The following DMXL1 variants were observed in gnomAD, a reference collection of about 807,000 sequenced individuals.
DMXL1 encodes Dmx like 1.
DMXL1 carries 99 observed loss-of-function variants against 319.2 expected under a neutral mutation model. That is an observed-to-expected ratio of 0.31 (90% CI 0.26 to 0.37). The LOEUF (loss-of-function observed/expected upper bound fraction) is 0.37. DMXL1 is among the 10% of genes least tolerant of loss of function. The pLI, the probability that DMXL1 is intolerant of heterozygous loss-of-function variation, is 1.00. For synonymous variants in DMXL1, 1,385 were observed against 1,235.2 expected (o/e 1.12, Z -2.54); for missense variants, 3,745 against 3,595.6 (o/e 1.04, Z -1.06).
chr5:119,143,297 T>G (rs567133394), intron 13 of DMXL1, among the ~76,000 whole-genome samples: 49 of 151,820 alleles, frequency 3.2e-4, no homozygotes, highest in African/African-American at 1.0e-3. Context: ...TGGTGTATAA[T>G]GGAAGGCAAA....
intron 1 of DMXL1, among the ~76,000 whole-genome samples, chr5:119,078,646 C>T (rs747812107): frequency 6.6e-6 from 1 of 152,002 alleles, no homozygotes; most frequent in Non-Finnish European, 1.5e-5. Context: ...GAGATGGGGT[C>T]CCACTATGTT....
intron 13 of DMXL1, among the ~76,000 whole-genome samples, chr5:119,142,916 C>G (rs1417962537): frequency 2.6e-5 from 4 of 152,022 alleles, no homozygotes; most frequent in African/African-American, 4.8e-5. Context: ...ATTCATAAAG[C>G]AACTTCTTTA....
chr5:119,130,766 A>T (rs1764692520), intron 10 of DMXL1, among the ~76,000 whole-genome samples: 2 of 152,286 alleles, frequency 1.3e-5, no homozygotes, highest in East Asian at 3.9e-4. Flanking sequence ...CATTTAAATT[A>T]ATTTAAATTG....
At chr5:119,216,870 G>C in intron 34 of DMXL1, 31 bp from the exon 35 acceptor site, 1 of 1,199,546 alleles carries the variant, frequency 8.3e-7, no homozygotes, top group East Asian at 2.4e-5. Flanking sequence ...TAAAATCAGT[G>C]CATTTTTGTG....
At position 119,164,365 on chromosome 5, in the gene DMXL1, A is replaced by G. The variant is rs978382533; in HGVS notation, c.4703-142A>G. The G allele has an allele frequency of 5.3e-6, 4 of 747,918 alleles. No individual in the cohort carries two copies. In the African/African-American group the frequency reaches 7.1e-5, roughly 13 times the overall value. The allele number at this position is 747,918 out of a possible 1,614,324, so 46.3% of individuals were successfully genotyped here. On this transcript the variant is annotated intron_variant, in intron 19 of 43. Coordinates refer to ENST00000539542, the MANE Select transcript of DMXL1 (RefSeq NM_001290321.3). ...CAGTTATTTGAAGAAGGAAAAACTT[A>G]AAAAAGCCCATATTTCCAATCTTAA...
chr5:119,231,614 A>T (rs1246183723), intron 38 of DMXL1, among the ~76,000 whole-genome samples: 1 of 152,216 alleles, frequency 6.6e-6, no homozygotes, highest in South Asian at 2.1e-4. Flanking sequence ...AAACATAGGT[A>T]CATTAAAAAT....
chr5:119,247,266 C>G lies in DMXL1; in HGVS notation c.*47C>G. ...AATTTATTACCTATATGGAAGTGGC[C>G]AACAGATATAATATACAGTGATCAT... On this transcript the variant is annotated 3_prime_UTR_variant, in exon 44 of 44. Transcript: ENST00000539542. 1 of 1,325,726 alleles carries G rather than the reference C, an allele frequency of 7.5e-7. No homozygotes were observed. The highest frequency in any genetic ancestry group is 1.1e-6 in the Non-Finnish European group (1 of 937,032). 82.1% of individuals were successfully genotyped at this position (1,325,726 alleles called of 1,614,324 possible).
intron 34 of DMXL1, among the ~76,000 whole-genome samples, chr5:119,213,375 CA>C (rs756431427): frequency 6.6e-6 from 1 of 152,156 alleles, no homozygotes; most frequent in Non-Finnish European, 1.5e-5. Context: ...TTCACTTGTG[CA>C]CAGTTCTTAT....
intron 34 of DMXL1, among the ~76,000 whole-genome samples, chr5:119,208,704 T>C (rs1169774915): frequency 6.6e-6 from 1 of 152,234 alleles, no homozygotes; most frequent in African/African-American, 2.4e-5. Context: ...AAAAAATCTT[T>C]GTAAGGTATG....
intron 27 of DMXL1, 95 bp from the exon 28 acceptor site, chr5:119,177,901 C>A (rs1776107298): frequency 2.9e-5 from 33 of 1,122,540 alleles, no homozygotes; most frequent in Non-Finnish European, 3.9e-5. Context: ...ACTCCTGATG[C>A]AATACATTTT....
chr5:119,196,341 T>A, intron 30 of DMXL1, 30 bp from the exon 31 acceptor site: 3 of 1,563,518 alleles, frequency 1.9e-6, no homozygotes, highest in Non-Finnish European at 2.6e-6. Flanking sequence ...ATAGAAATAG[T>A]TAACAGATCC....
At chr5:119,237,612 A>C (rs920056586) in intron 40 of DMXL1, among the ~76,000 whole-genome samples, 198 bp downstream of exon 40, 1 of 152,024 alleles carries the variant, frequency 6.6e-6, no homozygotes, top group African/African-American at 2.4e-5. Flanking sequence ...GTCTCTGATA[A>C]TTTGGGAAGT....
intron 19 of DMXL1, among the ~76,000 whole-genome samples, chr5:119,160,138 G>GAT (rs142981852): frequency 0.053 from 7,896 of 149,294 alleles, 270 homozygotes; most frequent in South Asian, 0.097. Context: ...ATTTGACAGA[G>GAT]ATATATATAT....
chr5:119,117,191 G>T (rs552294561), intron 7 of DMXL1, among the ~76,000 whole-genome samples: 72 of 152,158 alleles, frequency 4.7e-4, no homozygotes, highest in South Asian at 1.5e-3. Context: ...ACCATGCTGG[G>T]CTAATATATT....
rs1227913124 is a variant in DMXL1, at chr5:119,121,273, CT to C, written c.1102+143del. 659 of 643,814 alleles carry C rather than the reference CT, an allele frequency of 1.0e-3. 3 individuals are homozygous for C. Among genetic ancestry groups the C allele is most frequent in the African/African-American group, 8.3e-3 (423 of 50,734 alleles). The allele number at this position is 643,814 out of a possible 1,614,324, so 39.9% of individuals were successfully genotyped here. ...CTTAGCCTATTTTTCTTTTTTTTTT[CT>C]TTTTTTTTAATTTATTATTTATTTT... On this transcript the variant is annotated intron_variant, in intron 9 of 43. Coordinates refer to ENST00000539542, the MANE Select transcript of DMXL1 (RefSeq NM_001290321.3).
chr5:119,133,629 C>G lies in DMXL1; in HGVS notation c.1705C>G (p.Leu569Val). 1.9e-6 allele frequency: 3 copies of G among 1,614,126 alleles called. No homozygotes were observed. The highest frequency in any genetic ancestry group is 1.1e-5 in the South Asian group (1 of 91,070). Residue 569 changes from leucine to valine, a missense_variant, in exon 12 of 44, where the codon CTC (leucine) becomes GTC (valine). Leu to Val is a conservative substitution (Grantham distance 32). Transcript: ENST00000539542. ...IQQGKQKPSG[L>V]TRSTSMLISS... ...GCAGGGGAAACAAAAACCTTCTGGCCTCACCCGTTCCACATCAATGCTTAT... is the reference window on the plus strand; with the variant it reads ...GCAGGGGAAACAAAAACCTTCTGGCGTCACCCGTTCCACATCAATGCTTAT...
intron 33 of DMXL1, among the ~76,000 whole-genome samples, chr5:119,205,476 A>T (rs755130068): frequency 2.0e-5 from 3 of 152,080 alleles, no homozygotes; most frequent in African/African-American, 7.2e-5. Context: ...ATGAATATGA[A>T]TGTTGGACTA....
Position 119,098,124 on chromosome 5 carries a change from T to C in DMXL1, c.213+20T>C, listed in dbSNP as rs369137773. 1.6e-5 allele frequency: 26 copies of C among 1,593,744 alleles called. No individual in the cohort carries two copies. Among genetic ancestry groups the C allele is most frequent in the African/African-American group, 1.4e-4 (10 of 73,492 alleles). On this transcript the variant is annotated intron_variant, in intron 2 of 43. Transcript: ENST00000539542. The stretch of plus-strand genomic sequence containing the variant: ...GGCAAGGTTTGTAATCTTCTTCTAA[T>C]ATACAAATTTGTTTGGAATATGGTT...
chr5:119,129,066 A>G (rs1184401392), intron 9 of DMXL1, 145 bp from the exon 10 acceptor site: 11 of 619,340 alleles, frequency 1.8e-5, no homozygotes, highest in Non-Finnish European at 2.7e-5. Flanking sequence ...CAAAAAAACA[A>G]AATCTCAAAA....
Sources: allele counts gnomAD v4.1 joint callset (sites outside exome capture counted in the v4.1 genomes callset), GRCh38; gene constraint gnomAD v4.1.1; transcripts MANE v1.5; gene names NCBI Gene and HGNC (gene_info 2026-07-23, HGNC 2026-07-21).